Variants in NLRP9 observed in about 807,000 individuals in gnomAD.
NLRP9 encodes the protein NLR family pyrin domain containing 9.
NLRP9 carries 88 observed loss-of-function variants against 83.1 expected under a neutral mutation model. The observed-to-expected ratio is 1.06, with a 90% confidence interval of 0.89 to 1.26. The LOEUF is 1.26. Among genes scored for constraint, NLRP9 ranks in the 50% most tolerant of loss-of-function variants. NLRP9 has a pLI of 0.00. For synonymous variants in NLRP9, 521 were observed against 447.6 expected (o/e 1.16, Z -2.07); for missense variants, 1,308 against 1,179.3 (o/e 1.11, Z -1.60).
rs1988615778 is a variant in NLRP9, at chr19:55,732,643, A to T, written c.1188T>A (p.Cys396Ter). Reference protein sequence around the residue: ...KVNRARLKSLCALAAEGIWTY... With the variant: ...KVNRARLKSL ...TCCAAATTCCCTCTGCAGCCAAAGC[A>T]CACAGGCTTTTTAGTCGGGCTCTGT... is the stretch of plus-strand genomic sequence containing the variant. The change falls in exon 2 of 9, where the codon TGT (cysteine) becomes TGA (stop). Residue 396 changes from cysteine to a stop codon, truncating the protein, a stop_gained. Coordinates refer to ENST00000332836, the MANE Select transcript of NLRP9 (RefSeq NM_176820.4). LOFTEE classifies it high-confidence loss of function. 6.2e-7 allele frequency: 1 copy of T among 1,614,234 alleles called. No individual in the cohort carries two copies. The highest frequency in any genetic ancestry group is 1.7e-5 in the Admixed American group (1 of 60,020).
Position 55,723,974 on chromosome 19 carries a change from A to C in NLRP9, c.2159+6T>G. The C allele has an allele frequency of 6.2e-7, 1 of 1,608,590 alleles. No homozygotes were observed. Among genetic ancestry groups the C allele is most frequent in the Non-Finnish European group, 8.5e-7 (1 of 1,177,966 alleles). On this transcript the variant is annotated splice_donor_region_variant and intron_variant, in intron 4 of 8. Coordinates refer to ENST00000332836, the MANE Select transcript of NLRP9 (RefSeq NM_176820.4). ...ACAGCACTCGGCATGAACAGCCCGGACTTACATCAGCTCTTCTATCTTGCA... is the reference window on the plus strand; with the variant it reads ...ACAGCACTCGGCATGAACAGCCCGGCCTTACATCAGCTCTTCTATCTTGCA...
Position 55,724,483 on chromosome 19 carries a change from A to C in NLRP9, c.1995-339T>G, listed in dbSNP as rs574768158. Among the ~76,000 whole-genome samples, 62 of 152,314 alleles carry C rather than the reference A, an allele frequency of 4.1e-4. 1 individual carries two copies. In the South Asian group the frequency reaches 6.0e-3, roughly 15 times the overall value. On this transcript the variant is annotated intron_variant, in intron 3 of 8. Transcript: ENST00000332836. Reference sequence around the variant, plus strand: ...TTGTACCTCTTTGTATTCTGAGATTAATGTGATTAATGCCTCACATAAAAT... The same window carrying C: ...TTGTACCTCTTTGTATTCTGAGATTCATGTGATTAATGCCTCACATAAAAT...
At chr19:55,726,357 T>TG (rs1225086693) in intron 3 of NLRP9, among the ~76,000 whole-genome samples, 29 of 152,342 alleles carry the variant, frequency 1.9e-4, no homozygotes, top group African/African-American at 6.5e-4. Context: ...GTTGACTATT[T>TG]GCCTTGTCAA....
At position 55,716,797 on chromosome 19, in the gene NLRP9, A is replaced by G; in HGVS notation, c.2261T>C (p.Leu754Ser). ...CAGCAACGTCATTCCTTCGTCCCTC[A>G]AGGGATTTTCTACCAAGGAGAGGTG... ...LKHLSLVENP[L>S]RDEGMTLLCE... The change falls in exon 5 of 9, where the codon TTG becomes TCG. Residue 754 changes from leucine to serine, a missense_variant. Transcript: ENST00000332836. 1 of 1,613,876 alleles carries G rather than the reference A, an allele frequency of 6.2e-7. No individual in the cohort carries two copies. The highest frequency in any genetic ancestry group is 8.5e-7 in the Non-Finnish European group (1 of 1,179,918).
intron 3 of NLRP9, among the ~76,000 whole-genome samples, chr19:55,729,034 TC>T (rs1430711255): frequency 6.4e-5 from 9 of 140,886 alleles, no homozygotes; most frequent in African/African-American, 2.6e-4. Context: ...ATTATGCTTA[TC>T]TTATTTTTCT....
rs779878282 is a variant in NLRP9 at position 55,709,012 on chromosome 19, T to C, written c.2876A>G (p.Gln959Arg). 4 of 1,583,568 alleles carry C rather than the reference T, an allele frequency of 2.5e-6. 1 individual carries two copies. The South Asian group carries it at 4.8e-5, about 19-fold the overall frequency. Residue 959 changes from glutamine (Q) to arginine (R), a missense_variant, in exon 9 of 9, where the codon CAG becomes CGG. Transcript: ENST00000332836. ...TTCTTCCACAGACATCAGGATCTTC[T>C]GAGTTTCTTCATCAAAGCCAGATTT... The part of the protein sequence containing the change: ...LHKSGFDEET[Q>R]KILMSVEEKI...
chr19:55,718,752 G>A (rs143583774), intron 4 of NLRP9, among the ~76,000 whole-genome samples: 89 of 152,302 alleles, frequency 5.8e-4, no homozygotes, highest in African/African-American at 2.1e-3. Context: ...GCGGGTCCTC[G>A]CACGTTAAGC....
chr19:55,716,701 G>A (rs117307800), intron 5 of NLRP9, 27 bp downstream of exon 5: 40,533 of 1,600,498 alleles, frequency 0.025, 597 homozygotes, highest in Non-Finnish European at 0.028. Flanking sequence ...AGAAATCTCC[G>A]AACGTGCTTC....
At position 55,716,883 on chromosome 19, in the gene NLRP9, G is replaced by A. The variant is rs1333594415; in HGVS notation, c.2175C>T (p.Asp725=). The A allele has an allele frequency of 6.8e-6, 11 of 1,613,728 alleles. No homozygotes were observed. Among genetic ancestry groups the A allele is most frequent in the Non-Finnish European group, 8.5e-6 (10 of 1,179,852 alleles). ...TGTCTTCACAAACTTCACTGGAGAT[G>A]TCACACTTTCCCAGTCTACATGTGA... is the stretch of plus-strand genomic sequence containing the variant. ...KIEELILGKC[D]ISSEVCEDIA... is the part of the protein sequence containing the mutation. Residue 725 remains aspartate, a synonymous_variant, in exon 5 of 9, where the codon GAC becomes GAT. Coordinates refer to ENST00000332836, the MANE Select transcript of NLRP9 (RefSeq NM_176820.4).
chr19:55,729,434 G>A (rs1438257844), intron 3 of NLRP9, among the ~76,000 whole-genome samples: 1 of 151,816 alleles, frequency 6.6e-6, no homozygotes, highest in Non-Finnish European at 1.5e-5. Context: ...CCCTTCCTGT[G>A]CCCATGTGTT....
intron 4 of NLRP9, among the ~76,000 whole-genome samples, chr19:55,723,262 C>T (rs914897818): frequency 2.0e-5 from 3 of 152,178 alleles, no homozygotes; most frequent in Non-Finnish European, 2.9e-5. Context: ...AAGTCATTCT[C>T]CCCCTGGCTT....
rs75470507 is a variant in NLRP9 at position 55,732,559 on chromosome 19, C to G, written c.1272G>C (p.Glu424Asp). The G allele has an allele frequency of 1.2e-6, 2 of 1,614,108 alleles. No homozygotes were observed. Among genetic ancestry groups the G allele is most frequent in the Non-Finnish European group, 1.7e-6 (2 of 1,180,046 alleles). Residue 424 changes from glutamate (E) to aspartate (D), a missense_variant, in exon 2 of 9, where the codon GAG becomes GAC. Transcript: ENST00000332836. ...DLRRNGLSES[E>D]GVMWVGMRLL... ...GTCTCATACCCACCCACATCACGCC[C>G]TCAGACTCAGATAACCCATTCCTCC... is the stretch of plus-strand genomic sequence containing the variant.
intron 4 of NLRP9, among the ~76,000 whole-genome samples, chr19:55,721,959 G>C (rs1988239846): frequency 6.6e-6 from 1 of 152,158 alleles, no homozygotes; most frequent in Non-Finnish European, 1.5e-5. Flanking sequence ...AAATTGCCCA[G>C]TGTTGGGTAT....
intron 3 of NLRP9, 58 bp from the exon 4 acceptor site, chr19:55,724,202 A>C: frequency 8.2e-7 from 1 of 1,224,972 alleles, no homozygotes; most frequent in Non-Finnish European, 1.2e-6. Flanking sequence ...ACAAAGACAG[A>C]CACCTCTTGT....
intron 4 of NLRP9, among the ~76,000 whole-genome samples, chr19:55,723,773 A>C (rs1988308871): frequency 6.6e-6 from 1 of 151,330 alleles, no homozygotes; most frequent in Non-Finnish European, 1.5e-5. Context: ...TGAGTACTAG[A>C]GATGGGAAGG....
chr19:55,726,032 A>G (rs1988392358), intron 3 of NLRP9, among the ~76,000 whole-genome samples: 1 of 152,062 alleles, frequency 6.6e-6, no homozygotes, highest in African/African-American at 2.4e-5. Flanking sequence ...TCAGAAAAAA[A>G]AAAAGAAAAA....
intron 3 of NLRP9, 94 bp from the exon 4 acceptor site, chr19:55,724,238 G>A (rs1334239117): frequency 1.1e-5 from 9 of 794,026 alleles, no homozygotes; most frequent in South Asian, 2.1e-5. Context: ...CTGAATGCTG[G>A]GCCTCACCAC....
At chr19:55,710,824 G>A (rs10403099) in intron 8 of NLRP9, among the ~76,000 whole-genome samples, 6,852 of 152,178 alleles carry the variant, frequency 0.045, 238 homozygotes, top group East Asian at 0.16. Flanking sequence ...GGTGGCTCAC[G>A]CTTGTAATCC....
At chr19:55,719,800 G>C (rs750500152) in intron 4 of NLRP9, among the ~76,000 whole-genome samples, 3 of 152,188 alleles carry the variant, frequency 2.0e-5, no homozygotes, top group Non-Finnish European at 2.9e-5. Flanking sequence ...AATGCAGGAA[G>C]CTCAGTGAAT....
Sources: allele counts gnomAD v4.1 joint callset (sites outside exome capture counted in the v4.1 genomes callset), GRCh38; gene constraint gnomAD v4.1.1; transcripts MANE v1.5; gene names NCBI Gene and HGNC (gene_info 2026-07-23, HGNC 2026-07-21).